Variants in FAM227A observed in about 807,000 individuals in gnomAD.
FAM227A encodes the protein protein FAM227A.
In FAM227A, 80 loss-of-function variants were observed where a neutral mutation model predicts 74.7. The observed-to-expected ratio is 1.07, with a 90% confidence interval of 0.89 to 1.29. FAM227A has a LOEUF of 1.29. Ranked by LOEUF, FAM227A falls within the 50% of genes most tolerant of loss-of-function variation. The probability of loss-of-function intolerance (pLI) is 0.00; values close to 1 mark genes in which losing one functional copy is unlikely to be tolerated. For missense variants in FAM227A, 654 were observed against 683.4 expected (o/e 0.96, Z 0.48); for synonymous variants, 237 against 241.8 (o/e 0.98, Z 0.19).
At chr22:38,618,432 CTT>C in intron 11 of FAM227A, 1 of 152,196 alleles carries the variant, frequency 6.6e-6, no homozygotes, top group Non-Finnish European at 1.5e-5. Context: ...GCCTAAACCT[CTT>C]TTCCTTTGTC....
At chr22:38,638,966 C>T in intron 4 of FAM227A, 144 bp from the exon 5 acceptor site, 1 of 569,650 alleles carries the variant, frequency 1.8e-6, no homozygotes. Flanking sequence ...AACTGTGTTG[C>T]CGACTTATCT....
rs568074741 is a variant in FAM227A at position 38,628,835 on chromosome 22, T to C, written c.620A>G (p.Gln207Arg). Residue 207 changes from glutamine to arginine, a missense_variant and splice_region_variant, in exon 7 of 17, where the codon CAG (glutamine) becomes CGG (arginine). By Grantham distance (43) the Gln-to-Arg change is conservative. Coordinates refer to ENST00000535113, the MANE Select transcript of FAM227A (RefSeq NM_001013647.2). ...AGAAACAAGCAGATTTGTATTTACC[T>C]GGTACCTCTCATGAAATATCCACCA... The part of the protein sequence containing the change: ...SFWWIFHERY[Q>R]PNKELQNNLF... 68 of 1,497,958 alleles carry C rather than the reference T, an allele frequency of 4.5e-5. No individual in the cohort carries two copies. Among genetic ancestry groups the C allele is most frequent in the African/African-American group, 5.6e-5 (4 of 71,700 alleles). 92.8% of individuals were successfully genotyped at this position (1,497,958 alleles called of 1,614,324 possible). A position where few individuals can be genotyped will look rare whatever the true frequency, so the allele number is the denominator to read the frequency against.
Position 38,581,989 on chromosome 22 carries a change from T to C in FAM227A, c.*4136A>G. On this transcript the variant is annotated 3_prime_UTR_variant, in exon 17 of 17. Transcript: ENST00000535113. ...AACTCCTGGCCTCAAGCAATCCTCT[T>C]GCCTTGGCCTTCCAAAGTGCTGGGA... is the stretch of plus-strand genomic sequence containing the variant. 4.9e-6 allele frequency: 1 copy of C among 205,558 alleles called. No individual in the cohort carries two copies. Among genetic ancestry groups the C allele is most frequent in the East Asian group, 1.3e-4 (1 of 7,916 alleles). 12.7% of individuals were successfully genotyped at this position (205,558 alleles called of 1,614,324 possible).
chr22:38,637,433 A>G (rs998237306), intron 5 of FAM227A, among the ~76,000 whole-genome samples: 2 of 152,218 alleles, frequency 1.3e-5, no homozygotes, highest in Non-Finnish European at 2.9e-5. Context: ...TGGTTAATAT[A>G]TATCATTAAA....
At chr22:38,637,728 C>A (rs1360430042) in intron 5 of FAM227A, among the ~76,000 whole-genome samples, 1 of 152,206 alleles carries the variant, frequency 6.6e-6, no homozygotes, top group East Asian at 1.9e-4. Flanking sequence ...TATGACAGTT[C>A]CAATGCAGAC....
intron 16 of FAM227A, among the ~76,000 whole-genome samples, chr22:38,589,717 AG>A (rs2146132608): frequency 6.6e-6 from 1 of 152,348 alleles, no homozygotes; most frequent in South Asian, 2.1e-4. Context: ...ACTTCTCAAC[AG>A]TAAAAGCAGC....
At chr22:38,643,904 T>A (rs1265262090) in intron 3 of FAM227A, among the ~76,000 whole-genome samples, 1 of 151,946 alleles carries the variant, frequency 6.6e-6, no homozygotes, top group East Asian at 1.9e-4. Flanking sequence ...TCCCAGCACT[T>A]TCGGAGGCTG....
chr22:38,624,439 C>T (rs2091755088), intron 9 of FAM227A, among the ~76,000 whole-genome samples: 2 of 152,122 alleles, frequency 1.3e-5, no homozygotes, highest in Admixed American at 6.5e-5. Flanking sequence ...ACACAGCAGG[C>T]CTGAGACTGC....
At chr22:38,616,715 G>A (rs2091585397) in intron 11 of FAM227A, among the ~76,000 whole-genome samples, 1 of 151,980 alleles carries the variant, frequency 6.6e-6, no homozygotes, top group Non-Finnish European at 1.5e-5. Flanking sequence ...AGCAAAAGAT[G>A]GGGATGTGGA....
intron 6 of FAM227A, among the ~76,000 whole-genome samples, chr22:38,629,165 C>A (rs1020466982): frequency 6.6e-6 from 1 of 152,168 alleles, no homozygotes; most frequent in Non-Finnish European, 1.5e-5. Flanking sequence ...TGAGCCAGGA[C>A]TGGAACCCAC....
chr22:38,651,224 C>T (rs1304461766), intron 1 of FAM227A, among the ~76,000 whole-genome samples: 1 of 152,170 alleles, frequency 6.6e-6, no homozygotes, highest in Non-Finnish European at 1.5e-5. Flanking sequence ...GCCATTAGCA[C>T]CATGCCTCCT....
Position 38,630,692 on chromosome 22 carries a change from T to C in FAM227A, c.520-1757A>G, listed in dbSNP as rs2091899037. On this transcript the variant is annotated intron_variant, in intron 6 of 16. Coordinates refer to ENST00000535113, the MANE Select transcript of FAM227A (RefSeq NM_001013647.2). ...TCATGTCAGCTCTTCAACAAATATTTATTGAGCACCTCCAGGTGCTCAAGA... is the reference window on the plus strand; with the variant it reads ...TCATGTCAGCTCTTCAACAAATATTCATTGAGCACCTCCAGGTGCTCAAGA... Among the ~76,000 whole-genome samples the C allele has an allele frequency of 3.3e-5, 5 of 152,128 alleles. No individual in the cohort carries two copies. The South Asian group carries it at 1.0e-3, about 31-fold the overall frequency.
At position 38,647,590 on chromosome 22, in the gene FAM227A, G is replaced by T. The variant is rs535719502; in HGVS notation, c.143-1945C>A. Among the ~76,000 whole-genome samples the T allele has an allele frequency of 3.9e-5, 6 of 152,274 alleles. No homozygotes were observed. In the East Asian group the frequency reaches 1.2e-3, roughly 29 times the overall value. On this transcript the variant is annotated intron_variant, in intron 2 of 16. Transcript: ENST00000535113. ...AGGGGACAGATGACGGCGTCAAAGG[G>T]TATCTCAACCTTGTTTATCACTTAA... is the stretch of plus-strand genomic sequence containing the variant.
intron 16 of FAM227A, among the ~76,000 whole-genome samples, chr22:38,589,158 C>G (rs2146129085): frequency 6.6e-6 from 1 of 152,080 alleles, no homozygotes; most frequent in South Asian, 2.1e-4. Context: ...ATGAAGAAGG[C>G]CAGGTGATGA....
chr22:38,640,455 A>C lies in FAM227A; in HGVS notation c.226-731T>G, dbSNP rs79093627. Among the ~76,000 whole-genome samples, 1,469 of 152,206 alleles carry C rather than the reference A, an allele frequency of 9.7e-3. 31 individuals are homozygous for C. The highest frequency in any genetic ancestry group is 0.034 in the African/African-American group (1,423 of 41,542). ...CTCTATTATCTACCCTTGACCTCTC[A>C]AGAGAGACTTCTCTTGATCTCTGAC... On this transcript the variant is annotated intron_variant, in intron 3 of 16. Transcript: ENST00000535113.
chr22:38,647,391 G>A (rs897261941), intron 2 of FAM227A, among the ~76,000 whole-genome samples: 11 of 152,058 alleles, frequency 7.2e-5, no homozygotes, highest in Non-Finnish European at 1.3e-4. Flanking sequence ...TTGAACCCAG[G>A]AGGCGGACGT....
chr22:38,613,095 TTATATATAATTATATA>T lies in FAM227A; in HGVS notation c.1039-5635_1039-5620del, dbSNP rs1338572195. ...TATTATATATAATTATATATATATA[TTATATATAATTATATA>T]TATATTATATATAATTATATATATA... is the stretch of plus-strand genomic sequence containing the variant. On this transcript the variant is annotated intron_variant, in intron 11 of 16. Transcript: ENST00000535113. Among the ~76,000 whole-genome samples, 5 of 91,558 alleles carry T rather than the reference TTATATATAATTATATA, an allele frequency of 5.5e-5. No homozygotes were observed. In the South Asian group the frequency reaches 1.3e-3, roughly 24 times the overall value. 60.1% of individuals were successfully genotyped at this position (91,558 alleles called of 152,430 possible). A position where few individuals can be genotyped will look rare whatever the true frequency, so the allele number is the denominator to read the frequency against.
intron 14 of FAM227A, among the ~76,000 whole-genome samples, chr22:38,598,026 G>A (rs2091086555): frequency 7.3e-6 from 1 of 137,582 alleles, no homozygotes; most frequent in South Asian, 2.3e-4. Context: ...CTAGGCAACA[G>A]AGTGAGACTC....
At chr22:38,638,039 G>A (rs569412848) in intron 5 of FAM227A, among the ~76,000 whole-genome samples, 2 of 152,250 alleles carry the variant, frequency 1.3e-5, no homozygotes, top group Admixed American at 1.3e-4. Context: ...GGTGGTGCAT[G>A]TCTTAATCCC....
Sources: gnomAD v4.1 joint callset for allele counts (sites outside exome capture counted in the v4.1 genomes callset) on GRCh38, gnomAD v4.1.1 for gene constraint, MANE v1.5 for transcripts, NCBI Gene and HGNC (gene_info 2026-07-23, HGNC 2026-07-21) for gene names.